The following BAIAP3 variants were observed in gnomAD, a reference collection of about 807,000 sequenced individuals.
BAIAP3 encodes BAI1-associated protein 3.
Under a neutral mutation model 149.7 loss-of-function variants are expected in BAIAP3, and 180 were observed. The ratio of observed to expected loss-of-function variants is 1.20; its 90% CI spans 1.07 to 1.36. The LOEUF (loss-of-function observed/expected upper bound fraction) is 1.36, where lower values mean the gene tolerates loss of function less well. Ranked by LOEUF, BAIAP3 falls within the 40% of genes most tolerant of loss-of-function variation. The pLI, the probability that BAIAP3 is intolerant of heterozygous loss-of-function variation, is 0.00. For synonymous variants in BAIAP3, 845 were observed against 670.7 expected, an observed-to-expected ratio of 1.26 and a Z score of -4.02; for missense variants, 1,767 against 1,563.4, an observed-to-expected ratio of 1.13 and a Z score of -2.20.
chr16:1,344,507 C>G lies in BAIAP3; in HGVS notation c.1641C>G (p.Asp547Glu), dbSNP rs1156648630. Residue 547 changes from aspartate to glutamate, a missense_variant, in exon 18 of 34, where the codon GAC (aspartate) becomes GAG (glutamate). Coordinates refer to ENST00000426824, the MANE Select transcript of BAIAP3 (RefSeq NM_001199097.2). Reference sequence around the variant, plus strand: ...AGTGGTACGACAGGATCCTGAATGACAAGAGTCCCCGAGAGCAGGTGCAGT... The same window carrying G: ...AGTGGTACGACAGGATCCTGAATGAGAAGAGTCCCCGAGAGCAGGTGCAGT... ...NREWYDRILN[D>E]KSPREQPGPQ... is the part of the protein sequence containing the mutation. The G allele has an allele frequency of 1.2e-6, 2 of 1,613,068 alleles. No individual in the cohort carries two copies. The highest frequency in any genetic ancestry group is 3.3e-5 in the Admixed American group (2 of 60,016).
chr16:1,341,044 G>A, intron 6 of BAIAP3, 63 bp downstream of exon 6: 1 of 1,610,590 alleles, frequency 6.2e-7, no homozygotes, highest in Non-Finnish European at 8.5e-7. Flanking sequence ...GGGGCACGGG[G>A]CAAGGCCCTG....
In BAIAP3 at chr16:1,346,920, G is replaced by A; in HGVS notation, c.2716G>A (p.Ala906Thr). The A allele has an allele frequency of 3.1e-6, 5 of 1,611,660 alleles. No homozygotes were observed. The highest frequency in any genetic ancestry group is 1.1e-5 in the South Asian group (1 of 90,938). Residue 906 changes from alanine to threonine, a missense_variant, in exon 28 of 34, where the codon GCT becomes ACT. Physicochemically the swap from Ala to Thr is moderately conservative, Grantham distance 58. Transcript: ENST00000426824. ...QALGANRDVS[A>T]DFYSRFHFTL... ...GCTGGGTGCAAACCGTGACGTCTCT[G>A]CTGATTTCTACAGCCGCTTCCATTT...
rs368546198 is a variant in BAIAP3, at chr16:1,347,288, C to T, written c.2752-10C>T. 6.2e-7 allele frequency: 1 copy of T among 1,612,598 alleles called. No homozygotes were observed. Among genetic ancestry groups the T allele is most frequent in the Middle Eastern group, 1.7e-4 (1 of 5,732 alleles). On this transcript the variant is annotated splice_polypyrimidine_tract_variant and intron_variant, in intron 28 of 33. Coordinates refer to ENST00000426824, the MANE Select transcript of BAIAP3 (RefSeq NM_001199097.2). ...CTCCCTGACACCTCTGCCTTCTTTC[C>T]CTGCCCCAGGCCCTGGTCAGTTTTT...
At chr16:1,334,973 C>T (rs1298039679) in intron 1 of BAIAP3, among the ~76,000 whole-genome samples, 1 of 152,162 alleles carries the variant, frequency 6.6e-6, no homozygotes, top group African/African-American at 2.4e-5. Context: ...AGAAGGGCGC[C>T]CCCAACACGT....
At position 1,339,547 on chromosome 16, in the gene BAIAP3, A is replaced by C; in HGVS notation, c.352A>C (p.Thr118Pro). Residue 118 changes from threonine to proline, a missense_variant, in exon 5 of 34, where the codon ACC (threonine) becomes CCC (proline). By Grantham distance (38) the Thr-to-Pro change is conservative. Transcript: ENST00000426824. The stretch of plus-strand genomic sequence containing the variant: ...GTACACGGTGCTTTACCGCGCGGGT[A>C]CCATGGGCCCTGACCAGGTGGACGA... ...ALYTVLYRAGTMGPDQVDDEE... is the reference protein window; with the variant it reads ...ALYTVLYRAGPMGPDQVDDEE... 8 of 1,612,540 alleles carry C rather than the reference A, an allele frequency of 5.0e-6. No homozygotes were observed. Among genetic ancestry groups the C allele is most frequent in the Non-Finnish European group, 6.8e-6 (8 of 1,179,744 alleles).
In BAIAP3 at chr16:1,347,919, G is replaced by A; in HGVS notation, c.3051G>A (p.Val1017=). ...ANGLSDPFVI[V]ELGPPHLFPL... is the part of the protein sequence containing the mutation. ...GCTTAAGTGACCCCTTTGTGATCGT[G>A]GAGCTGGGCCCACCGCATCTCTTTC... Residue 1017 remains valine (V), a synonymous_variant, in exon 32 of 34, where the codon GTG becomes GTA. Transcript: ENST00000426824. The A allele has an allele frequency of 6.2e-7, 1 of 1,612,026 alleles. No individual in the cohort carries two copies. Among genetic ancestry groups the A allele is most frequent in the Non-Finnish European group, 8.5e-7 (1 of 1,179,928 alleles).
intron 14 of BAIAP3, 78 bp from the exon 15 acceptor site, chr16:1,343,315 G>T: frequency 6.5e-7 from 1 of 1,528,392 alleles, no homozygotes; most frequent in Non-Finnish European, 8.8e-7. Flanking sequence ...CAGAGAAAGG[G>T]GTAGTGCTGT....
chr16:1,345,313 T>A lies in BAIAP3; in HGVS notation c.2005T>A (p.Phe669Ile). The stretch of plus-strand genomic sequence containing the variant: ...CTTCCTGCCTGCTGTGAAGCTCTGG[T>A]TCCAAGTGCTGAGGGACCAGGCCAA... ...APFLPAVKLWFQVLRDQAKWR... is the reference protein window; with the variant it reads ...APFLPAVKLWIQVLRDQAKWR... Residue 669 changes from phenylalanine (F) to isoleucine (I), a missense_variant, in exon 22 of 34, where the codon TTC becomes ATC. By Grantham distance (21) the Phe-to-Ile change is conservative. Coordinates refer to ENST00000426824, the MANE Select transcript of BAIAP3 (RefSeq NM_001199097.2). 1 of 1,613,056 alleles carries A rather than the reference T, an allele frequency of 6.2e-7. No homozygotes were observed. The highest frequency in any genetic ancestry group is 1.3e-5 in the African/African-American group (1 of 74,950).
At chr16:1,343,313 G>A (rs1226734061) in intron 14 of BAIAP3, 80 bp from the exon 15 acceptor site, 20 of 1,521,128 alleles carry the variant, frequency 1.3e-5, no homozygotes, top group Non-Finnish European at 1.7e-5. Context: ...GGCAGAGAAA[G>A]GGGTAGTGCT....
chr16:1,342,755 T>C lies in BAIAP3; in HGVS notation c.1102T>C (p.Phe368Leu). 6.2e-7 allele frequency: 1 copy of C among 1,612,556 alleles called. No individual in the cohort carries two copies. Among genetic ancestry groups the C allele is most frequent in the Non-Finnish European group, 8.5e-7 (1 of 1,180,000 alleles). Residue 368 changes from phenylalanine to leucine, a missense_variant, in exon 13 of 34, where the codon TTC (phenylalanine) becomes CTC (leucine). Phe to Leu is a conservative substitution (Grantham distance 22). Coordinates refer to ENST00000426824, the MANE Select transcript of BAIAP3 (RefSeq NM_001199097.2). ...TAMSQRGRSG[F>L]LSHLLLLSHL... ...CATGAGCCAGCGCGGGCGATCCGGC[T>C]TCCTGTCCCACCTGCTGCTGCTCAG... is the stretch of plus-strand genomic sequence containing the variant.
chr16:1,339,266 A>G, intron 4 of BAIAP3, 22 bp downstream of exon 4: 5 of 1,553,398 alleles, frequency 3.2e-6, no homozygotes, highest in East Asian at 2.4e-5. Flanking sequence ...GGTCGGAACC[A>G]GGGGCAGTCG....
rs537196164 is a variant in BAIAP3, at chr16:1,348,753, G to A, written c.*271G>A. The A allele has an allele frequency of 1.9e-6, 1 of 533,486 alleles. No homozygotes were observed. Among genetic ancestry groups the A allele is most frequent in the Non-Finnish European group, 3.4e-6 (1 of 298,218 alleles). The allele number at this position is 533,486 out of a possible 1,614,324, so 33.0% of individuals were successfully genotyped here. On this transcript the variant is annotated 3_prime_UTR_variant, in exon 34 of 34. Coordinates refer to ENST00000426824, the MANE Select transcript of BAIAP3 (RefSeq NM_001199097.2). ...CAGGACACAGTGCAGGCCAGAGCGG[G>A]CTTGACCACCTGGTGGGCCTCCCTG...
Position 1,346,600 on chromosome 16 carries a change from C to T in BAIAP3, c.2563-5C>T, listed in dbSNP as rs201540134. On this transcript the variant is annotated splice_polypyrimidine_tract_variant and splice_region_variant and intron_variant, in intron 26 of 33. Transcript: ENST00000426824. Reference sequence around the variant, plus strand: ...TAAGCCTGGCCTGACCACCCCTGCCCGCAGGCCGTGGCCCCGCTCATGAAG... The same window carrying T: ...TAAGCCTGGCCTGACCACCCCTGCCTGCAGGCCGTGGCCCCGCTCATGAAG... 317 of 1,556,786 alleles carry T rather than the reference C, an allele frequency of 2.0e-4. No homozygotes were observed. The highest frequency in any genetic ancestry group is 3.3e-4 in the Middle Eastern group (2 of 5,990).
chr16:1,339,925 G>A (rs1596565665), intron 5 of BAIAP3, among the ~76,000 whole-genome samples: 1 of 142,868 alleles, frequency 7.0e-6, no homozygotes, highest in East Asian at 2.1e-4. Flanking sequence ...GGCTGCAGGT[G>A]CACACAGACA....
chr16:1,336,672 C>A (rs2141559885), intron 1 of BAIAP3, among the ~76,000 whole-genome samples: 2 of 152,364 alleles, frequency 1.3e-5, no homozygotes, highest in South Asian at 4.1e-4. Context: ...GCATGGTGTG[C>A]TCAGGCCCCC....
chr16:1,341,681 C>A (rs1385680627), intron 8 of BAIAP3, 141 bp from the exon 9 acceptor site: 2 of 1,182,290 alleles, frequency 1.7e-6, no homozygotes, highest in Non-Finnish European at 2.4e-6. Flanking sequence ...CAACACCTGG[C>A]GGGATCAGGA....
chr16:1,346,864 G>A lies in BAIAP3; in HGVS notation c.2660G>A (p.Trp887Ter), dbSNP rs1244078989. 2 of 1,606,610 alleles carry A rather than the reference G, an allele frequency of 1.2e-6. No individual in the cohort carries two copies. Among genetic ancestry groups the A allele is most frequent in the East Asian group, 2.2e-5 (1 of 44,764 alleles). The change falls in exon 28 of 34, where the codon TGG becomes TAG. Residue 887 changes from tryptophan to a stop codon, truncating the protein, a stop_gained. Transcript: ENST00000426824. LOFTEE classifies it high-confidence loss of function. ...CCCTGCAGGGTGCTGGAGGCCCTGT[G>A]GGAGCTACTCCTCCAGGCCATTCTG... is the stretch of plus-strand genomic sequence containing the variant. ...GNLSRVLEAL[W>*]ELLLQAILQA... is the part of the protein sequence containing the mutation.
Position 1,345,038 on chromosome 16 carries a change from C to T in BAIAP3, c.1879C>T (p.Leu627Phe), listed in dbSNP as rs1214945493. 5 of 1,612,446 alleles carry T rather than the reference C, an allele frequency of 3.1e-6. No homozygotes were observed. The Admixed American group carries it at 5.0e-5, about 16-fold the overall frequency. The change falls in exon 21 of 34, where the codon CTC (leucine) becomes TTC (phenylalanine). Residue 627 changes from leucine to phenylalanine, a missense_variant. Coordinates refer to ENST00000426824, the MANE Select transcript of BAIAP3 (RefSeq NM_001199097.2). The part of the protein sequence containing the change: ...PKMTLEVASG[L>F]FELYLTLADL... Reference sequence around the variant, plus strand: ...GATGACCCTGGAGGTGGCCTCGGGGCTCTTTGAGCTCTACCTGACCCTGGC... The same window carrying T: ...GATGACCCTGGAGGTGGCCTCGGGGTTCTTTGAGCTCTACCTGACCCTGGC...
Position 1,343,380 on chromosome 16 carries a change from C to T in BAIAP3, c.1266-13C>T. On this transcript the variant is annotated splice_polypyrimidine_tract_variant and intron_variant, in intron 14 of 33. Coordinates refer to ENST00000426824, the MANE Select transcript of BAIAP3 (RefSeq NM_001199097.2). ...GGGGTTCATACCCTTTGACCATGGG[C>T]CGGGCCCCACAGGCACTGGCAGGTC... 1 of 1,577,438 alleles carries T rather than the reference C, an allele frequency of 6.3e-7. No homozygotes were observed. The highest frequency in any genetic ancestry group is 1.2e-5 in the South Asian group (1 of 86,932).
Sources: gnomAD v4.1 joint callset for allele counts (sites outside exome capture counted in the v4.1 genomes callset) on GRCh38, gnomAD v4.1.1 for gene constraint, MANE v1.5 for transcripts, NCBI Gene and HGNC (gene_info 2026-07-23, HGNC 2026-07-21) for gene names.